SLC41A3: variants seen among roughly 807,000 people sequenced by gnomAD.
SLC41A3 encodes the protein solute carrier family 41 member 3.
Under a neutral mutation model 45.4 loss-of-function variants are expected in SLC41A3, and 44 were observed. The observed-to-expected ratio is 0.97, with a 90% CI of 0.76 to 1.25. The LOEUF is 1.25. Among genes scored for constraint, SLC41A3 ranks in the 50% most tolerant of loss-of-function variants. SLC41A3 has a pLI of 0.00. For synonymous variants in SLC41A3, 256 were observed against 252.4 expected (o/e 1.01, Z -0.13); for missense variants, 550 against 600.6 (o/e 0.92, Z 0.88).
rs957944488 is a variant in SLC41A3, at chr3:126,026,650, C to A, written c.454-171G>T. Among the ~76,000 whole-genome samples the A allele has an allele frequency of 6.6e-6, 1 of 152,196 alleles. No homozygotes were observed. Among genetic ancestry groups the A allele is most frequent in the African/African-American group, 2.4e-5 (1 of 41,432 alleles). ...CCCAGGAAAAACTAATACCACACCCCACACCTGCCTTGAACTCAACTCCTC... is the reference window on the plus strand; with the variant it reads ...CCCAGGAAAAACTAATACCACACCCAACACCTGCCTTGAACTCAACTCCTC... On this transcript the variant is annotated intron_variant, in intron 4 of 10. Coordinates refer to ENST00000360370, the MANE Select transcript of SLC41A3 (RefSeq NM_017836.4). This position sits in a 1 kb window ranked among gnomAD's most constrained non-coding sequence, Gnocchi z 4.2.
At chr3:126,021,807 AC>A (rs1237097076) in intron 6 of SLC41A3, among the ~76,000 whole-genome samples, 1 of 152,248 alleles carries the variant, frequency 6.6e-6, no homozygotes, top group Non-Finnish European at 1.5e-5. Flanking sequence ...CCCTGAATAT[AC>A]ACTTCAATTA....
At chr3:126,078,923 C>T (rs1945011289) in intron 1 of SLC41A3, 1 of 152,292 alleles carries the variant, frequency 6.6e-6, no homozygotes, top group African/African-American at 2.4e-5. Context: ...TTCCCCTCCT[C>T]CTCTTCATGG....
At chr3:126,062,670 G>A (rs941565083) in intron 2 of SLC41A3, among the ~76,000 whole-genome samples, 5 of 152,336 alleles carry the variant, frequency 3.3e-5, no homozygotes, top group East Asian at 1.9e-4. Flanking sequence ...ACTGAGAGCC[G>A]TCCCCAACAC....
intron 9 of SLC41A3, 39 bp downstream of exon 9, chr3:126,012,576 G>A: frequency 6.2e-7 from 1 of 1,609,150 alleles, no homozygotes; most frequent in Non-Finnish European, 8.5e-7. Context: ...CTTGTTTAAA[G>A]AAATGGCTAT....
At chr3:126,096,547 A>G (rs1228140733) in intron 1 of SLC41A3, among the ~76,000 whole-genome samples, 1 of 152,272 alleles carries the variant, frequency 6.6e-6, no homozygotes, top group East Asian at 1.9e-4. Flanking sequence ...CCCAGGGTGG[A>G]AAACTGCTTA....
chr3:126,078,130 C>T (rs1226299796), intron 1 of SLC41A3, among the ~76,000 whole-genome samples: 1 of 152,170 alleles, frequency 6.6e-6, no homozygotes, highest in Non-Finnish European at 1.5e-5. Flanking sequence ...TCCAACTCTC[C>T]ACCCCACTCC....
At chr3:126,056,715 C>A in intron 2 of SLC41A3, 1 of 1,437,142 alleles carries the variant, frequency 7.0e-7, no homozygotes, top group East Asian at 2.5e-5. Flanking sequence ...TCCCCAACAG[C>A]CCCTCGGCTG....
rs1941009474 is a variant in SLC41A3, at chr3:126,022,806, C to T, written c.725G>A (p.Ser242Asn). Residue 242 changes from serine to asparagine, a missense_variant, in exon 6 of 11, where the codon AGC (serine) becomes AAC (asparagine). Transcript: ENST00000360370. ...TTTACCTTTGTGTCTGTAGAAGAAG[C>T]TGCTAACCAAAGCCAGAATGGACAG... ...ITLSILALVSSFFYRHKDSRY... is the reference protein window; with the variant it reads ...ITLSILALVSNFFYRHKDSRY... 6 of 1,614,110 alleles carry T rather than the reference C, an allele frequency of 3.7e-6. No homozygotes were observed. The highest frequency in any genetic ancestry group is 5.1e-6 in the Non-Finnish European group (6 of 1,180,054).
chr3:126,069,637 A>G (rs938616529), intron 1 of SLC41A3, among the ~76,000 whole-genome samples: 2 of 152,154 alleles, frequency 1.3e-5, no homozygotes, highest in Admixed American at 6.5e-5. Flanking sequence ...ATTAATAGAA[A>G]CTGTCCCTGA....
At chr3:126,056,216 G>C in intron 2 of SLC41A3, 2 of 1,007,038 alleles carry the variant, frequency 2.0e-6, no homozygotes, top group Non-Finnish European at 2.9e-6. Flanking sequence ...TGACACCCGG[G>C]ACGCCCAAGC....
intron 1 of SLC41A3, among the ~76,000 whole-genome samples, chr3:126,079,279 G>GACACAC (rs63354060): frequency 4.1e-5 from 6 of 146,020 alleles, no homozygotes; most frequent in African/African-American, 7.6e-5. Flanking sequence ...AAGGGTAAGG[G>GACACAC]ACACACACAC....
Position 126,040,812 on chromosome 3 carries a change from C to T in SLC41A3, c.382-7134G>A, listed in dbSNP as rs144414196. On this transcript the variant is annotated intron_variant, in intron 3 of 10. Coordinates refer to ENST00000360370, the MANE Select transcript of SLC41A3 (RefSeq NM_017836.4). Reference sequence around the variant, plus strand: ...TCTAAGGGCAGTATTCACAGATCTACGAGGTAAGTGTAAATCTAAAATAAA... The same window carrying T: ...TCTAAGGGCAGTATTCACAGATCTATGAGGTAAGTGTAAATCTAAAATAAA... Among the ~76,000 whole-genome samples the T allele has an allele frequency of 2.9e-3, 436 of 152,210 alleles. 2 individuals are homozygous for T. Among genetic ancestry groups the T allele is most frequent in the Non-Finnish European group, 4.4e-3 (300 of 68,020 alleles).
At chr3:126,090,236 A>G (rs1033073507) in intron 1 of SLC41A3, among the ~76,000 whole-genome samples, 3 of 152,148 alleles carry the variant, frequency 2.0e-5, no homozygotes, top group African/African-American at 7.2e-5. Flanking sequence ...GTATATTTTT[A>G]GGTAAAGTTC....
rs1939160899 is a variant in SLC41A3 at position 126,006,917 on chromosome 3, G to A, written c.*99C>T. On this transcript the variant is annotated 3_prime_UTR_variant, in exon 11 of 11. Coordinates refer to ENST00000360370, the MANE Select transcript of SLC41A3 (RefSeq NM_017836.4). ...ACAAAAGGCTACTGCAGAGGCAGGGGTCAACCATCCCAAGGACCTGGCAAG... is the reference window on the plus strand; with the variant it reads ...ACAAAAGGCTACTGCAGAGGCAGGGATCAACCATCCCAAGGACCTGGCAAG... 2 of 1,570,998 alleles carry A rather than the reference G, an allele frequency of 1.3e-6. No individual in the cohort carries two copies. Among genetic ancestry groups the A allele is most frequent in the Non-Finnish European group, 8.6e-7 (1 of 1,158,330 alleles).
intron 8 of SLC41A3, among the ~76,000 whole-genome samples, chr3:126,014,514 C>T (rs546995990): frequency 3.9e-5 from 6 of 152,296 alleles, no homozygotes; most frequent in African/African-American, 1.4e-4. Context: ...TGAAGGCATC[C>T]GAGTTGGTGA....
chr3:126,008,852 C>T lies in SLC41A3; in HGVS notation c.1134G>A (p.Leu378=), dbSNP rs1939408475. 1.2e-6 allele frequency: 2 copies of T among 1,614,028 alleles called. No individual in the cohort carries two copies. Among genetic ancestry groups the T allele is most frequent in the African/African-American group, 1.3e-5 (1 of 74,938 alleles). ...SEINSMSARV[L]LLLVVPGHLI... ...GATGGCCTGGGACCACCAGCAAGAG[C>T]AGGACTCGAGCTGACATGGAATTGA... Residue 378 remains leucine, a synonymous_variant, in exon 10 of 11, where the codon CTG becomes CTA. Coordinates refer to ENST00000360370, the MANE Select transcript of SLC41A3 (RefSeq NM_017836.4).
chr3:126,023,223 A>C (rs1941059187), intron 5 of SLC41A3: 17 of 306,118 alleles, frequency 5.6e-5, no homozygotes, highest in Non-Finnish European at 6.1e-5. Flanking sequence ...GAGCTCCCAA[A>C]TCACCAGGAA....
At chr3:126,080,056 T>C (rs1322667880) in intron 1 of SLC41A3, among the ~76,000 whole-genome samples, 1 of 152,178 alleles carries the variant, frequency 6.6e-6, no homozygotes, top group Non-Finnish European at 1.5e-5. Flanking sequence ...TCTCACTATA[T>C]TAAAAAATCA....
Position 126,050,906 on chromosome 3 carries a change from C to T in SLC41A3, c.381+37G>A, listed in dbSNP as rs370015001. 408 of 1,591,100 alleles carry T rather than the reference C, an allele frequency of 2.6e-4. 1 individual carries two copies. Among genetic ancestry groups the T allele is most frequent in the Non-Finnish European group, 1.2e-4 (139 of 1,167,100 alleles). ...AGGTGGTAGGGACGCGCCTGCCTCA[C>T]GTTGTGGCCGCCTCGAATGTCCAGG... On this transcript the variant is annotated intron_variant, in intron 3 of 10. Transcript: ENST00000360370.
Sources: gnomAD v4.1 joint callset for allele counts (sites outside exome capture counted in the v4.1 genomes callset) on GRCh38, gnomAD v4.1.1 for gene constraint, Gnocchi (gnomAD v3.1) non-coding constraint, MANE v1.5 for transcripts, NCBI Gene and HGNC (gene_info 2026-07-23, HGNC 2026-07-21) for gene names.